TMC1: variants seen among roughly 807,000 people sequenced by gnomAD.
The protein encoded by TMC1 is transmembrane channel-like protein 1.
Under a neutral mutation model 105.8 loss-of-function variants are expected in TMC1, and 84 were observed. The ratio of observed to expected loss-of-function variants is 0.79; its 90% CI spans 0.67 to 0.95. The LOEUF is 0.95. TMC1 is among the 40% of genes least tolerant of loss of function. The pLI, the probability that TMC1 is intolerant of heterozygous loss-of-function variation, is 0.00. For missense variants in TMC1, 817 were observed against 914.1 expected (o/e 0.89, Z 1.37); for synonymous variants, 315 against 311.5 (o/e 1.01, Z -0.12).
intron 13 of TMC1, among the ~76,000 whole-genome samples, chr9:72,785,897 A>T (rs1828160655): frequency 6.6e-6 from 1 of 152,236 alleles, no homozygotes; most frequent in African/African-American, 2.4e-5. Context: ...TCGCTATTAC[A>T]GTAATTTTCT....
At chr9:72,787,168 G>T (rs534261100) in intron 13 of TMC1, among the ~76,000 whole-genome samples, 27 of 152,210 alleles carry the variant, frequency 1.8e-4, no homozygotes, top group African/African-American at 6.3e-4. Flanking sequence ...ATGCCTTTGA[G>T]CTTCAGCTTC....
intron 4 of TMC1, among the ~76,000 whole-genome samples, chr9:72,635,746 G>T (rs1306868868): frequency 6.6e-6 from 1 of 152,164 alleles, no homozygotes; most frequent in African/African-American, 2.4e-5. Flanking sequence ...TGCAAGGAGG[G>T]ATAACAAATG....
chr9:72,678,291 G>A (rs1826233937), intron 5 of TMC1, among the ~76,000 whole-genome samples: 1 of 152,108 alleles, frequency 6.6e-6, no homozygotes, highest in African/African-American at 2.4e-5. Context: ...TCAGTAGTCA[G>A]TCTCCTCAGG....
chr9:72,762,940 G>A (rs1260957801), intron 12 of TMC1, among the ~76,000 whole-genome samples: 1 of 152,090 alleles, frequency 6.6e-6, no homozygotes, highest in Non-Finnish European at 1.5e-5. Context: ...CTTTTGCTTT[G>A]TAAGCTTCTT....
intron 8 of TMC1, among the ~76,000 whole-genome samples, chr9:72,701,541 G>A (rs1320410690): frequency 6.6e-6 from 1 of 152,128 alleles, no homozygotes; most frequent in Non-Finnish European, 1.5e-5. Context: ...ATAAATAGTA[G>A]TAAGTTTTAA....
At chr9:72,709,222 A>C (rs754428240) in intron 8 of TMC1, among the ~76,000 whole-genome samples, 5 of 152,168 alleles carry the variant, frequency 3.3e-5, no homozygotes, top group Non-Finnish European at 7.4e-5. Context: ...TCACTTGATC[A>C]TAGTGGATTA....
At chr9:72,529,661 TTC>T in intron 1 of TMC1, among the ~76,000 whole-genome samples, 1 of 152,082 alleles carries the variant, frequency 6.6e-6, no homozygotes, top group East Asian at 1.9e-4. Flanking sequence ...GCTTTCTTGT[TTC>T]TCTGTTTTTT....
chr9:72,694,534 T>C lies in TMC1; in HGVS notation c.65-9T>C. 6.2e-7 allele frequency: 1 copy of C among 1,611,368 alleles called. No individual in the cohort carries two copies. The highest frequency in any genetic ancestry group is 2.2e-5 in the East Asian group (1 of 44,586). ...TGACATTACTCATTGAATCAAGTGC[T>C]ATGTTTAGGTGAAGAGGAAGAGGAG... is the stretch of plus-strand genomic sequence containing the variant. On this transcript the variant is annotated splice_polypyrimidine_tract_variant and intron_variant, in intron 6 of 23. Transcript: ENST00000297784.
intron 12 of TMC1, among the ~76,000 whole-genome samples, chr9:72,764,216 T>C (rs2118098504): frequency 6.6e-6 from 1 of 152,304 alleles, no homozygotes; most frequent in Admixed American, 6.5e-5. Context: ...AAAAACTCCT[T>C]TTTAAATACA....
At chr9:72,688,610 C>A in intron 5 of TMC1, 99 bp from the exon 6 acceptor site, 3 of 1,158,702 alleles carry the variant, frequency 2.6e-6, no homozygotes, top group Non-Finnish European at 2.5e-6. Flanking sequence ...GTATTAACTG[C>A]ACAAAAACAT....
At chr9:72,786,416 C>G (rs574264648) in intron 13 of TMC1, among the ~76,000 whole-genome samples, 2 of 152,248 alleles carry the variant, frequency 1.3e-5, no homozygotes, top group East Asian at 3.9e-4. Context: ...TGCACTCTAG[C>G]CTGGGCGACA....
chr9:72,683,604 G>A (rs1231692448), intron 5 of TMC1, among the ~76,000 whole-genome samples: 1 of 150,202 alleles, frequency 6.7e-6, no homozygotes, highest in East Asian at 2.0e-4. Flanking sequence ...TGAGAAGAGA[G>A]ATTTCACATT....
At chr9:72,645,224 C>T (rs1825690997) in intron 4 of TMC1, among the ~76,000 whole-genome samples, 1 of 152,188 alleles carries the variant, frequency 6.6e-6, no homozygotes, top group Non-Finnish European at 1.5e-5. Context: ...GCTCAGCTTA[C>T]ACAATTCTGA....
At chr9:72,650,007 T>G (rs2132151183) in intron 5 of TMC1, among the ~76,000 whole-genome samples, 1 of 152,366 alleles carries the variant, frequency 6.6e-6, no homozygotes, top group Non-Finnish European at 1.5e-5. Flanking sequence ...TTTATTAACC[T>G]TATTGTGCTC....
In TMC1 at chr9:72,641,320, T is replaced by C. The variant is rs564039477; in HGVS notation, c.-52-7277T>C. On this transcript the variant is annotated intron_variant, in intron 4 of 23. Coordinates refer to ENST00000297784, the MANE Select transcript of TMC1 (RefSeq NM_138691.3). ...TGTTGGCTAGGCTTGTTTTAACTCCTGACCTCAAGTGATCCACCTGCCTTG... is the reference window on the plus strand; with the variant it reads ...TGTTGGCTAGGCTTGTTTTAACTCCCGACCTCAAGTGATCCACCTGCCTTG... Among the ~76,000 whole-genome samples, 3 of 152,266 alleles carry C rather than the reference T, an allele frequency of 2.0e-5. No individual in the cohort carries two copies. The East Asian group carries it at 5.8e-4, about 30-fold the overall frequency.
At chr9:72,539,001 G>C (rs1191204991) in intron 1 of TMC1, among the ~76,000 whole-genome samples, 2 of 152,086 alleles carry the variant, frequency 1.3e-5, no homozygotes, top group Non-Finnish European at 2.9e-5. Flanking sequence ...CTTGACCAAG[G>C]GGTCCATTCA....
chr9:72,601,817 T>G (rs1372655982), intron 2 of TMC1, among the ~76,000 whole-genome samples: 1 of 152,198 alleles, frequency 6.6e-6, no homozygotes, highest in Non-Finnish European at 1.5e-5. Context: ...CACTCCAATG[T>G]GGGTCACAGA....
intron 18 of TMC1, among the ~76,000 whole-genome samples, chr9:72,808,550 T>A (rs897831787): frequency 1.3e-5 from 2 of 152,232 alleles, no homozygotes; most frequent in Non-Finnish European, 2.9e-5. Flanking sequence ...GAATACTCTA[T>A]GAAAATAGAG....
intron 8 of TMC1, among the ~76,000 whole-genome samples, chr9:72,717,116 T>A (rs1166455119): frequency 1.3e-5 from 2 of 152,172 alleles, no homozygotes; most frequent in African/African-American, 4.8e-5. Flanking sequence ...CCCAATGAAA[T>A]GAACTGGGTA....
Sources: allele counts gnomAD v4.1 joint callset (sites outside exome capture counted in the v4.1 genomes callset), GRCh38; gene constraint gnomAD v4.1.1; transcripts MANE v1.5; gene names NCBI Gene and HGNC (gene_info 2026-07-23, HGNC 2026-07-21).